The following UBE2U variants were observed in gnomAD, a reference collection of about 807,000 sequenced individuals.
UBE2U encodes ubiquitin conjugating enzyme E2 U.
Under a neutral mutation model 41.2 loss-of-function variants are expected in UBE2U, and 39 were observed. That is an observed-to-expected ratio of 0.95 (90% CI 0.73 to 1.24). UBE2U has a LOEUF of 1.24. UBE2U is among the 50% of genes most tolerant of loss of function. The probability of loss-of-function intolerance (pLI) is 0.00; values close to 1 mark genes in which losing one functional copy is unlikely to be tolerated. For synonymous variants in UBE2U, 107 were observed against 117.8 expected (o/e 0.91, Z 0.60); for missense variants, 336 against 363.1 (o/e 0.93, Z 0.61).
intron 7 of UBE2U, among the ~76,000 whole-genome samples, chr1:64,239,837 A>T (rs994612303): frequency 1.3e-5 from 2 of 152,128 alleles, no homozygotes; most frequent in African/African-American, 4.8e-5. Context: ...ATACGTGTGC[A>T]TGTGTCTTTA....
intron 6 of UBE2U, among the ~76,000 whole-genome samples, chr1:64,228,684 CTCTT>C (rs1259500643): frequency 1.4e-4 from 17 of 121,528 alleles, no homozygotes; most frequent in Non-Finnish European, 2.2e-4. Flanking sequence ...CTCTCTCTCT[CTCTT>C]TTTTTTTTTT....
chr1:64,241,600 C>T (rs1049940423), intron 7 of UBE2U, 52 bp from the exon 8 acceptor site: 14 of 1,291,248 alleles, frequency 1.1e-5, no homozygotes, highest in Non-Finnish European at 1.5e-5. Flanking sequence ...TAACTATTAA[C>T]TATTATTAAA....
Position 64,239,135 on chromosome 1 carries a change from GA to G in UBE2U, c.596-2515del, listed in dbSNP as rs1444798308. Reference sequence around the variant, plus strand: ...AGAAGAAGAAGAAGAAGAAGAAGAAGAAGAAGAAGAAGAAGAAGAAGAAAGA... The same window carrying G: ...AGAAGAAGAAGAAGAAGAAGAAGAAGAGAAGAAGAAGAAGAAGAAGAAAGA... On this transcript the variant is annotated intron_variant, in intron 7 of 9. Transcript: ENST00000371077. Among the ~76,000 whole-genome samples, 21 of 28,708 alleles carry G rather than the reference GA, an allele frequency of 7.3e-4. 1 individual carries two copies. Among genetic ancestry groups the G allele is most frequent in the African/African-American group, 1.9e-3 (10 of 5,336 alleles). 18.8% of individuals were successfully genotyped at this position (28,708 alleles called of 152,430 possible).
Position 64,222,071 on chromosome 1 carries a change from G to A in UBE2U, c.506+1164G>A, listed in dbSNP as rs111545064. 3.9e-4 allele frequency among the ~76,000 whole-genome samples: 46 copies of A among 118,076 alleles called. 1 individual carries two copies. The Middle Eastern group carries it at 0.023, about 60-fold the overall frequency. The allele number at this position is 118,076 out of a possible 152,430, so 77.5% of individuals were successfully genotyped here. A position where few individuals can be genotyped will look rare whatever the true frequency, so the allele number is the denominator to read the frequency against. ...GGTGCCACTGCACTCCAGCCTGGGC[G>A]ACAGAGAGAGACTCCATCTCAAAAA... On this transcript the variant is annotated intron_variant, in intron 6 of 9. Transcript: ENST00000371077.
chr1:64,257,754 C>T (rs1347659005), intron 8 of UBE2U, among the ~76,000 whole-genome samples: 1 of 152,118 alleles, frequency 6.6e-6, no homozygotes, highest in Non-Finnish European at 1.5e-5. Flanking sequence ...ACATCTTGTA[C>T]ATGTACCCCT....
chr1:64,244,680 G>A (rs1369892887), intron 8 of UBE2U, among the ~76,000 whole-genome samples: 1 of 152,128 alleles, frequency 6.6e-6, no homozygotes, highest in East Asian at 1.9e-4. Flanking sequence ...GACAGTCACT[G>A]ACAAGCTCAG....
intron 8 of UBE2U, among the ~76,000 whole-genome samples, chr1:64,242,256 A>C (rs981859353): frequency 3.3e-5 from 5 of 152,148 alleles, no homozygotes; most frequent in African/African-American, 1.2e-4. Context: ...AGACCACATT[A>C]AGGAAGGAAC....
intron 9 of UBE2U, among the ~76,000 whole-genome samples, chr1:64,265,087 T>G (rs1645236433): frequency 1.3e-5 from 2 of 152,198 alleles, no homozygotes; most frequent in Admixed American, 1.3e-4. Flanking sequence ...AGAAGATCGC[T>G]TTTTCCCCTG....
At position 64,203,825 on chromosome 1, in the gene UBE2U, C is replaced by CCAAGT. The variant is rs1362695564; in HGVS notation, c.-224_-220dup. 5 of 416,434 alleles carry CCAAGT rather than the reference C, an allele frequency of 1.2e-5. No individual in the cohort carries two copies. Among genetic ancestry groups the CCAAGT allele is most frequent in the Non-Finnish European group, 2.1e-5 (5 of 232,846 alleles). The allele number at this position is 416,434 out of a possible 1,614,324, so 25.8% of individuals were successfully genotyped here. ...TGAAACGCCGCAGATGAGGAAGTGC[C>CCAAGT]CAAGTCTTCCTTCGGGAAGTTCTCG... On this transcript the variant is annotated 5_prime_UTR_variant, in exon 1 of 10. An upstream open reading frame in the 5' UTR gains an earlier in-frame stop. Transcript: ENST00000371077.
chr1:64,244,678 C>G (rs1472332039), intron 8 of UBE2U, among the ~76,000 whole-genome samples: 1 of 152,124 alleles, frequency 6.6e-6, no homozygotes, highest in Non-Finnish European at 1.5e-5. Context: ...GAGACAGTCA[C>G]TGACAAGCTC....
At chr1:64,218,499 C>G (rs904879707) in intron 5 of UBE2U, among the ~76,000 whole-genome samples, 1 of 152,086 alleles carries the variant, frequency 6.6e-6, no homozygotes, top group African/African-American at 2.4e-5. Flanking sequence ...GAAATATGTC[C>G]TCTATCCCTG....
Position 64,239,062 on chromosome 1 carries a change from A to AGAAGAAGAAGAGGAAGAG in UBE2U, c.596-2585_596-2584insAGAAGAGGAAGAGGAAGA, listed in dbSNP as rs1557729295. Among the ~76,000 whole-genome samples, 27 of 71,302 alleles carry AGAAGAAGAAGAGGAAGAG rather than the reference A, an allele frequency of 3.8e-4. 1 individual carries two copies. Among genetic ancestry groups the AGAAGAAGAAGAGGAAGAG allele is most frequent in the Non-Finnish European group, 5.5e-4 (17 of 30,800 alleles). 46.8% of individuals were successfully genotyped at this position (71,302 alleles called of 152,430 possible). On this transcript the variant is annotated intron_variant, in intron 7 of 9. Transcript: ENST00000371077. The stretch of plus-strand genomic sequence containing the variant: ...CATCTCAAAAAGAAGAAGAAGAAGA[A>AGAAGAAGAAGAGGAAGAG]GAAGAGGAAGAGGAAGAGGAAGAGG...
intron 4 of UBE2U, 35 bp downstream of exon 4, chr1:64,210,874 A>G (rs1407269613): frequency 1.4e-6 from 2 of 1,402,584 alleles, no homozygotes; most frequent in Non-Finnish European, 2.0e-6. Context: ...TCTCTTTAAT[A>G]CTTTTAATTA....
chr1:64,212,610 A>G (rs1651727911), intron 4 of UBE2U, among the ~76,000 whole-genome samples: 2 of 152,218 alleles, frequency 1.3e-5, no homozygotes, highest in Non-Finnish European at 2.9e-5. Flanking sequence ...CAGGTCGAGT[A>G]TTTCTTATCT....
intron 6 of UBE2U, among the ~76,000 whole-genome samples, chr1:64,228,686 CTTTT>C (rs59774097): frequency 1.8e-4 from 17 of 95,720 alleles, no homozygotes; most frequent in African/African-American, 3.7e-4. Context: ...CTCTCTCTCT[CTTTT>C]TTTTTTTTTT....
chr1:64,227,357 T>C lies in UBE2U; in HGVS notation c.507-5204T>C, dbSNP rs544497891. 2.6e-5 allele frequency among the ~76,000 whole-genome samples: 4 copies of C among 152,320 alleles called. No homozygotes were observed. In the East Asian group the frequency reaches 7.7e-4, roughly 29 times the overall value. On this transcript the variant is annotated intron_variant, in intron 6 of 9. Transcript: ENST00000371077. ...TCTTTATTCATAGATAACATGATTA[T>C]GTGCATAGTGAAATCCAAATGAATA...
chr1:64,231,331 T>A (rs1365332684), intron 6 of UBE2U, among the ~76,000 whole-genome samples: 2 of 152,204 alleles, frequency 1.3e-5, no homozygotes, highest in Non-Finnish European at 2.9e-5. Context: ...GTCTGCTAAA[T>A]GATCTGTGAC....
At chr1:64,252,239 C>T (rs1645022685) in intron 8 of UBE2U, among the ~76,000 whole-genome samples, 1 of 152,136 alleles carries the variant, frequency 6.6e-6, no homozygotes, top group African/African-American at 2.4e-5. Context: ...ATGGACAGAA[C>T]TCTGATCTCA....
intron 6 of UBE2U, 45 bp from the exon 7 acceptor site, chr1:64,232,516 A>C: frequency 6.7e-7 from 1 of 1,483,048 alleles, no homozygotes; most frequent in South Asian, 1.2e-5. Context: ...TTTAAAAAGA[A>C]AATTTACAAA....
Sources: allele counts gnomAD v4.1 joint callset (sites outside exome capture counted in the v4.1 genomes callset), GRCh38; gene constraint gnomAD v4.1.1; transcripts MANE v1.5; gene names NCBI Gene and HGNC (gene_info 2026-07-23, HGNC 2026-07-21).